Variants in SH3TC1 observed in about 807,000 individuals in gnomAD.
SH3TC1 encodes the protein SH3 domain and tetratricopeptide repeats 1, also known as SH3 domain and tetratricopeptide repeat-containing protein 1.
A neutral mutation model predicts 117.3 loss-of-function variants in SH3TC1; 135 were observed. The observed-to-expected ratio is 1.15, with a 90% CI of 1.00 to 1.33. The LOEUF is 1.33. SH3TC1 is among the 40% of genes most tolerant of loss of function. The probability of loss-of-function intolerance (pLI) is 0.00; values close to 1 mark genes in which losing one functional copy is unlikely to be tolerated. For missense variants in SH3TC1, 2,092 were observed against 1,794.3 expected (o/e 1.17, Z -3.00); for synonymous variants, 898 against 816.9 (o/e 1.10, Z -1.69).
Position 8,241,075 on chromosome 4 carries a change from A to G in SH3TC1, c.*120A>G, listed in dbSNP as rs113808296. On this transcript the variant is annotated 3_prime_UTR_variant, in exon 18 of 18. Coordinates refer to ENST00000245105, the MANE Select transcript of SH3TC1 (RefSeq NM_018986.5). ...ACGAACGCAGGGGCCAAATAGCAAT[A>G]AATGGGTTTTGTTTTTTTTTTGCAA... 7.5e-4 allele frequency: 1,050 copies of G among 1,391,588 alleles called. 10 individuals are homozygous for G. In the African/African-American group the frequency reaches 0.013, roughly 17 times the overall value. 86.2% of individuals were successfully genotyped at this position (1,391,588 alleles called of 1,614,324 possible).
chr4:8,196,836 C>G (rs1443067883), upstream of SH3TC1, among the ~76,000 whole-genome samples: 1 of 152,198 alleles, frequency 6.6e-6, no homozygotes, highest in African/African-American at 2.4e-5. The surrounding 1 kb of genome is among the most constrained non-coding windows in gnomAD (Gnocchi z 4.6). Flanking sequence ...TCGTCCATCC[C>G]CAAGGCCCAA....
intron 7 of SH3TC1, 32 bp downstream of exon 7, chr4:8,217,199 G>A: frequency 2.6e-6 from 4 of 1,567,524 alleles, no homozygotes; most frequent in Non-Finnish European, 2.6e-6. Context: ...TCTGAGAGCT[G>A]TTGGCCTCGC....
chr4:8,228,369 T>G lies in SH3TC1; in HGVS notation c.2675T>G (p.Val892Gly), dbSNP rs1172689702. 3 of 1,611,330 alleles carry G rather than the reference T, an allele frequency of 1.9e-6. No homozygotes were observed. The African/African-American group carries it at 4.0e-5, about 22-fold the overall frequency. Residue 892 changes from valine to glycine, a missense_variant, in exon 12 of 18, where the codon GTG becomes GGG. Physicochemically the swap from Val to Gly is moderately radical, Grantham distance 109. Coordinates refer to ENST00000245105, the MANE Select transcript of SH3TC1 (RefSeq NM_018986.5). ...GAGAGCTACTACCGCGCCCTGCGGG[T>G]GGCTCGGGACCTGGGCCAGCAAAGG... ...AAESYYRALRVARDLGQQRNQ... is the reference protein window; with the variant it reads ...AAESYYRALRGARDLGQQRNQ...
chr4:8,236,682 T>C (rs1721850605), intron 16 of SH3TC1: 3 of 422,396 alleles, frequency 7.1e-6, no homozygotes, highest in Non-Finnish European at 1.2e-5. Context: ...GGCTGCCCAG[T>C]GTGCCCTCTG....
At chr4:8,212,349 C>T (rs562614846) in intron 3 of SH3TC1, among the ~76,000 whole-genome samples, 21 of 152,058 alleles carry the variant, frequency 1.4e-4, no homozygotes, top group Non-Finnish European at 2.5e-4. Context: ...TGGGGCGGAG[C>T]GCTGAGGGGA....
chr4:8,212,844 G>T lies in SH3TC1; in HGVS notation c.375+16G>T. 1 of 1,548,766 alleles carries T rather than the reference G, an allele frequency of 6.5e-7. No homozygotes were observed. On this transcript the variant is annotated intron_variant, in intron 4 of 17. Coordinates refer to ENST00000245105, the MANE Select transcript of SH3TC1 (RefSeq NM_018986.5). The stretch of plus-strand genomic sequence containing the variant: ...CGTGCTTGGGGTGAGTAGCCCTCTG[G>T]GGCCTGCTCAGGGATGGGAGCTGGA...
rs780447530 is a variant in SH3TC1 at position 8,219,464 on chromosome 4, A to T, written c.1046A>T (p.His349Leu). The change falls in exon 9 of 18, where the codon CAC becomes CTC. Residue 349 changes from histidine to leucine, a missense_variant. Transcript: ENST00000245105. The stretch of plus-strand genomic sequence containing the variant: ...AGCCTGCCCTGGTGCGTGGGCCGAC[A>T]CGCAGCCTCGGGCCGGGTGGGGTTT... The part of the protein sequence containing the change: ...VPSLPWCVGR[H>L]AASGRVGFVR... The T allele has an allele frequency of 6.2e-6, 10 of 1,606,142 alleles. No individual in the cohort carries two copies. The highest frequency in any genetic ancestry group is 8.5e-6 in the Non-Finnish European group (10 of 1,175,644).
chr4:8,239,673 T>G (rs1384882267), intron 17 of SH3TC1, among the ~76,000 whole-genome samples: 2 of 152,050 alleles, frequency 1.3e-5, no homozygotes, highest in African/African-American at 2.4e-5. Flanking sequence ...CTCCTTCCTG[T>G]TTAGTTGGGA....
chr4:8,228,898 C>CAT (rs1720853783), intron 12 of SH3TC1, among the ~76,000 whole-genome samples: 1 of 152,232 alleles, frequency 6.6e-6, no homozygotes, highest in Non-Finnish European at 1.5e-5. Context: ...GAAAGTCCTG[C>CAT]ATGCTGGGAA....
At chr4:8,232,852 T>C in intron 13 of SH3TC1, 1 of 1,258,372 alleles carries the variant, frequency 7.9e-7, no homozygotes, top group African/African-American at 1.5e-5. Context: ...TAGAGCCATG[T>C]TCTCAAAGTG....
At chr4:8,216,831 G>GCAGACACT in intron 6 of SH3TC1, 126 bp from the exon 7 acceptor site, 1 of 938,932 alleles carries the variant, frequency 1.1e-6, no homozygotes, top group Non-Finnish European at 1.7e-6. Context: ...CTCTGTGCCT[G>GCAGACACT]CAGACACTGG....
At chr4:8,233,034 C>T (rs1721388708) in intron 13 of SH3TC1, 3 of 1,218,408 alleles carry the variant, frequency 2.5e-6, no homozygotes, top group Middle Eastern at 3.5e-4. Context: ...GAACCATCGG[C>T]CTGGATAGCA....
chr4:8,209,598 A>T lies in SH3TC1; in HGVS notation c.173-150A>T. 1.3e-6 allele frequency: 2 copies of T among 1,529,210 alleles called. No homozygotes were observed. The highest frequency in any genetic ancestry group is 1.8e-6 in the Non-Finnish European group (2 of 1,139,950). The allele number at this position is 1,529,210 out of a possible 1,614,324, so 94.7% of individuals were successfully genotyped here. The stretch of plus-strand genomic sequence containing the variant: ...CTTCCCTCCTTGCTGGGCTCTGGGG[A>T]GACTGGAGGAAGGCAGCTGTGGGAA... On this transcript the variant is annotated intron_variant, in intron 2 of 17. Transcript: ENST00000245105. The surrounding 1 kb of genome is among the most constrained non-coding windows in gnomAD (Gnocchi z 5.9).
chr4:8,194,560 T>C (rs1717504350), upstream of SH3TC1, among the ~76,000 whole-genome samples: 3 of 152,180 alleles, frequency 2.0e-5, no homozygotes, highest in African/African-American at 4.8e-5. Flanking sequence ...CTAACATACC[T>C]GTTCAGCAGC....
chr4:8,237,211 A>G (rs1721899648), intron 16 of SH3TC1: 2 of 404,754 alleles, frequency 4.9e-6, no homozygotes, highest in Non-Finnish European at 8.7e-6. Context: ...CTGGTTAAAA[A>G]CAGTGAGCAA....
rs184767870 is a variant in SH3TC1, at chr4:8,190,735, G to C, written c.-57+8525G>C. ...CGCTCGCTGCAGCCTCCAACTCCTG[G>C]GCTCAAGCAATGCTCCCACCTCAGC... On this transcript the variant is annotated intron_variant, in intron 1 of 16. Coordinates refer to the SH3TC1 transcript ENST00000508641. This position sits in a 1 kb window ranked among gnomAD's most constrained non-coding sequence, Gnocchi z 4.7. 6.0e-4 allele frequency among the ~76,000 whole-genome samples: 91 copies of C among 152,156 alleles called. No individual in the cohort carries two copies. Among genetic ancestry groups the C allele is most frequent in the Non-Finnish European group, 1.1e-3 (72 of 67,982 alleles).
upstream of SH3TC1, among the ~76,000 whole-genome samples, chr4:8,196,059 C>T (rs75450624): frequency 9.3e-3 from 1,421 of 152,340 alleles, 16 homozygotes; most frequent in African/African-American, 0.032. This position sits in a 1 kb window ranked among gnomAD's most constrained non-coding sequence, Gnocchi z 4.6. Flanking sequence ...CTGTGCTCCT[C>T]GCTGGGCCAA....
intron 1 of SH3TC1, among the ~76,000 whole-genome samples, chr4:8,185,060 G>A (rs554764631): frequency 3.3e-5 from 5 of 151,286 alleles, no homozygotes; most frequent in African/African-American, 1.2e-4. Flanking sequence ...CGTACATAGG[G>A]TGCGGTGGCT....
chr4:8,229,534 G>A (rs1328716050), intron 12 of SH3TC1, among the ~76,000 whole-genome samples: 24 of 143,726 alleles, frequency 1.7e-4, no homozygotes, highest in African/African-American at 6.0e-4. Context: ...TGAGTGGGGT[G>A]TAAGTGGGGG....
Sources: gnomAD v4.1 joint callset for allele counts (sites outside exome capture counted in the v4.1 genomes callset) on GRCh38, gnomAD v4.1.1 for gene constraint, Gnocchi (gnomAD v3.1) non-coding constraint, MANE v1.5 for transcripts, NCBI Gene and HGNC (gene_info 2026-07-23, HGNC 2026-07-21) for gene names.